The following DFFB variants were observed in gnomAD, a reference collection of about 807,000 sequenced individuals.
DFFB encodes the protein DNA fragmentation factor subunit beta.
In DFFB, 29 loss-of-function variants were observed where a neutral mutation model predicts 32.7. The ratio of observed to expected loss-of-function variants is 0.89; its 90% CI spans 0.66 to 1.21. The LOEUF is 1.21. Among genes scored for constraint, DFFB ranks in the 50% most tolerant of loss-of-function variants. The probability of loss-of-function intolerance (pLI) is 0.00; values close to 1 mark genes in which losing one functional copy is unlikely to be tolerated. For synonymous variants in DFFB, 170 were observed against 177.1 expected (o/e 0.96, Z 0.32); for missense variants, 398 against 440.6 (o/e 0.90, Z 0.87).
At position 3,863,267 on chromosome 1, in the gene DFFB, C is replaced by T. The variant is rs577357411; in HGVS notation, c.242-2545C>T. Among the ~76,000 whole-genome samples the T allele has an allele frequency of 2.2e-4, 33 of 152,268 alleles. No individual in the cohort carries two copies. In the East Asian group the frequency reaches 4.1e-3, roughly 19 times the overall value. On this transcript the variant is annotated intron_variant, in intron 2 of 6. Coordinates refer to ENST00000378209, the MANE Select transcript of DFFB (RefSeq NM_004402.4). ...TCTCCAAGGAAGATATTCAAGTGGT[C>T]GTAAGCACAGGAAAAGGTGCTTGAG...
rs1051845798 is a variant in DFFB at position 3,863,512 on chromosome 1, A to G, written c.242-2300A>G. Among the ~76,000 whole-genome samples, 61 of 152,304 alleles carry G rather than the reference A, an allele frequency of 4.0e-4. 1 individual carries two copies. Among genetic ancestry groups the G allele is most frequent in the African/African-American group, 1.3e-3 (56 of 41,560 alleles). ...TGACCCAGCAGCTCCACTCCTAGGT[A>G]TGTACCCAAGAGAAATGAAAACACG... On this transcript the variant is annotated intron_variant, in intron 2 of 6. Transcript: ENST00000378209.
At position 3,865,674 on chromosome 1, in the gene DFFB, G is replaced by A; in HGVS notation, c.242-138G>A. ...GTGTCAGGGCAAGGACAAAGACCCG[G>A]GACACCTCAAGTCTGAGTCCTGGTG... On this transcript the variant is annotated intron_variant, in intron 2 of 6. Coordinates refer to ENST00000378209, the MANE Select transcript of DFFB (RefSeq NM_004402.4). The surrounding 1 kb of genome is among the most constrained non-coding windows in gnomAD (Gnocchi z 4.7). The A allele has an allele frequency of 7.4e-7, 1 of 1,358,972 alleles. No individual in the cohort carries two copies. The highest frequency in any genetic ancestry group is 1.1e-6 in the Non-Finnish European group (1 of 950,504). 84.2% of individuals were successfully genotyped at this position (1,358,972 alleles called of 1,614,324 possible). A position where few individuals can be genotyped will look rare whatever the true frequency, so the allele number is the denominator to read the frequency against.
rs1412001751 is a variant in DFFB, at chr1:3,869,390, G to C, written c.511-215G>C. On this transcript the variant is annotated intron_variant, in intron 4 of 6. Transcript: ENST00000378209. ...ATCTCATCTAAGTCTCACCCAGCCT[G>C]GGGGCTGGTGTGGTTCCCTCCATTT... 2.6e-5 allele frequency among the ~76,000 whole-genome samples: 4 copies of C among 152,340 alleles called. No individual in the cohort carries two copies. In the East Asian group the frequency reaches 5.8e-4, roughly 22 times the overall value.
At chr1:3,862,468 G>C (rs1644895615) in intron 2 of DFFB, among the ~76,000 whole-genome samples, 1 of 152,194 alleles carries the variant, frequency 6.6e-6, no homozygotes, top group African/African-American at 2.4e-5. Context: ...TCAAAACTTA[G>C]TACAAAGCCA....
At chr1:3,874,147 CG>C (rs1241731361) in intron 6 of DFFB, among the ~76,000 whole-genome samples, 1 of 151,236 alleles carries the variant, frequency 6.6e-6, no homozygotes, top group African/African-American at 2.5e-5. Context: ...TTACCACACG[CG>C]TGTGAGTTTA....
At chr1:3,864,340 A>C (rs1407761795) in intron 2 of DFFB, among the ~76,000 whole-genome samples, 1 of 152,206 alleles carries the variant, frequency 6.6e-6, no homozygotes, top group Non-Finnish European at 1.5e-5. Flanking sequence ...TAAAATAAAG[A>C]AAAGAAACTG....
chr1:3,876,296 G>A (rs1645220746), intron 6 of DFFB, among the ~76,000 whole-genome samples: 1 of 152,058 alleles, frequency 6.6e-6, no homozygotes, highest in Admixed American at 6.6e-5. Flanking sequence ...TCAATCTAGG[G>A]GACACAATCA....
rs536157390 is a variant in DFFB at position 3,877,357 on chromosome 1, T to G, written c.782+4785T>G. Among the ~76,000 whole-genome samples, 448 of 119,132 alleles carry G rather than the reference T, an allele frequency of 3.8e-3. 3 individuals are homozygous for G. The highest frequency in any genetic ancestry group is 0.014 in the African/African-American group (417 of 29,040). 78.2% of individuals were successfully genotyped at this position (119,132 alleles called of 152,430 possible). On this transcript the variant is annotated intron_variant, in intron 6 of 6. Transcript: ENST00000378209. ...TTTTTTTTTTTTTTTTGAGGCAGAGTCTCACTCTGTACTCAGGCTGGAGTG... is the reference window on the plus strand; with the variant it reads ...TTTTTTTTTTTTTTTTGAGGCAGAGGCTCACTCTGTACTCAGGCTGGAGTG...
intron 1 of DFFB, among the ~76,000 whole-genome samples, chr1:3,858,245 T>G (rs1243711070): frequency 1.3e-5 from 2 of 152,166 alleles, no homozygotes; most frequent in African/African-American, 2.4e-5. Flanking sequence ...AACTGACCAG[T>G]GCAGAGTAAC....
intron 6 of DFFB, among the ~76,000 whole-genome samples, chr1:3,878,007 C>T (rs1032314138): frequency 1.3e-5 from 2 of 152,158 alleles, no homozygotes; most frequent in Non-Finnish European, 2.9e-5. Flanking sequence ...GTCATTCAGC[C>T]AGCCGCAGCT....
chr1:3,858,849 G>C lies in DFFB; in HGVS notation c.241+5G>C. 2.5e-6 allele frequency: 4 copies of C among 1,613,372 alleles called. No individual in the cohort carries two copies. The highest frequency in any genetic ancestry group is 3.4e-6 in the Non-Finnish European group (4 of 1,180,014). On this transcript the variant is annotated splice_donor_5th_base_variant and intron_variant, in intron 2 of 6. Transcript: ENST00000378209. ...TGGGCCAGGCCTGGCAGGGCTGTGA[G>C]TGGCAAGGACTTTGGAGGTGGGCGG...
intron 5 of DFFB, among the ~76,000 whole-genome samples, chr1:3,871,535 C>T (rs1645112446): frequency 6.6e-6 from 1 of 152,198 alleles, no homozygotes; most frequent in Admixed American, 6.5e-5. Context: ...GATCCACCCA[C>T]ATTGGCCTCC....
chr1:3,864,420 C>T (rs6664953), intron 2 of DFFB, among the ~76,000 whole-genome samples: 30,309 of 152,168 alleles, frequency 0.2, 3,436 homozygotes, highest in Non-Finnish European at 0.25. Context: ...CGCCAGCTTT[C>T]GGCGCTGTTG....
chr1:3,860,022 G>A (rs1050421427), intron 2 of DFFB, among the ~76,000 whole-genome samples: 5 of 151,810 alleles, frequency 3.3e-5, no homozygotes, highest in South Asian at 2.1e-4. Flanking sequence ...TTTCTCTGGC[G>A]CTTTATCCTC....
intron 5 of DFFB, among the ~76,000 whole-genome samples, chr1:3,870,265 T>C (rs1415486379): frequency 6.6e-6 from 1 of 152,174 alleles, no homozygotes; most frequent in East Asian, 1.9e-4. Context: ...TCCCATGGTG[T>C]GGGGAGCAAC....
intron 6 of DFFB, among the ~76,000 whole-genome samples, chr1:3,879,036 G>T (rs1040066478): frequency 2.0e-5 from 3 of 152,202 alleles, no homozygotes; most frequent in Non-Finnish European, 2.9e-5. Flanking sequence ...GTACTTTGAA[G>T]AATAACTCCA....
intron 6 of DFFB, among the ~76,000 whole-genome samples, chr1:3,883,114 C>T (rs1030474589): frequency 6.6e-6 from 1 of 151,740 alleles, no homozygotes; most frequent in South Asian, 2.1e-4. Flanking sequence ...AGTGATTCTC[C>T]TGCCTCAGCC....
At chr1:3,883,251 C>T (rs982590022) in intron 6 of DFFB, among the ~76,000 whole-genome samples, 2 of 152,176 alleles carry the variant, frequency 1.3e-5, no homozygotes, top group African/African-American at 2.4e-5. Flanking sequence ...GTGATCCACC[C>T]GCCTCGGCCT....
intron 2 of DFFB, among the ~76,000 whole-genome samples, chr1:3,859,676 A>G (rs1224433560): frequency 2.6e-5 from 4 of 152,172 alleles, no homozygotes. Flanking sequence ...CACTGTCAGC[A>G]TTGAGGGGTG....
Sources: allele counts gnomAD v4.1 joint callset (sites outside exome capture counted in the v4.1 genomes callset), GRCh38; gene constraint gnomAD v4.1.1; non-coding constraint Gnocchi (gnomAD v3.1); transcripts MANE v1.5; gene names NCBI Gene and HGNC (gene_info 2026-07-23, HGNC 2026-07-21).